The following ARPP21 variants were observed in gnomAD, a reference collection of about 807,000 sequenced individuals.
ARPP21 encodes cAMP regulated phosphoprotein 21.
A neutral mutation model predicts 113.2 loss-of-function variants in ARPP21; 69 were observed. The observed-to-expected ratio is 0.61, with a 90% CI of 0.50 to 0.74. The LOEUF (loss-of-function observed/expected upper bound fraction) is 0.74, where lower values mean the gene tolerates loss of function less well. Ranked by LOEUF, ARPP21 falls within the 30% of genes least tolerant of loss-of-function variation. The pLI, the probability that ARPP21 is intolerant of heterozygous loss-of-function variation, is 0.00. For synonymous variants in ARPP21, 368 were observed against 375.5 expected (o/e 0.98, Z 0.23); for missense variants, 1,070 against 1,037.4 (o/e 1.03, Z -0.43).
intron 9 of ARPP21, among the ~76,000 whole-genome samples, chr3:35,705,768 T>C (rs537571560): frequency 1.4e-4 from 21 of 152,290 alleles, no homozygotes; most frequent in African/African-American, 3.6e-4. Flanking sequence ...GACACCATGT[T>C]CCAAAAATTA....
chr3:35,648,079 T>G (rs1349012850), intron 1 of ARPP21, among the ~76,000 whole-genome samples: 1 of 152,194 alleles, frequency 6.6e-6, no homozygotes, highest in Non-Finnish European at 1.5e-5. Flanking sequence ...TATCCCATAA[T>G]GTTTCTGATG....
intron 19 of ARPP21, among the ~76,000 whole-genome samples, chr3:35,768,225 T>C (rs1000449625): frequency 4.6e-5 from 7 of 151,360 alleles, no homozygotes; most frequent in African/African-American, 1.7e-4. Flanking sequence ...AATTTTGCCT[T>C]TCCCCTTCCC....
rs764840269 is a variant in ARPP21 at position 35,739,527 on chromosome 3, C to T, written c.1960C>T (p.Gln654Ter). ...SGPPISQQVLQPPPSPQGFVQ... is the reference protein window; with the variant it reads ...SGPPISQQVL ...CCCTCCCATCTCCCAGCAGGTCCTC[C>T]AGCCCCCTCCCTCACCACAGGGATT... is the stretch of plus-strand genomic sequence containing the variant. Residue 654 changes from glutamine to a stop codon, truncating the protein, a stop_gained, in exon 18 of 21, where the codon CAG (glutamine) becomes TAG (stop). Coordinates refer to ENST00000684406, the MANE Select transcript of ARPP21 (RefSeq NM_001385562.1). LOFTEE classifies it high-confidence loss of function. 1 of 1,614,086 alleles carries T rather than the reference C, an allele frequency of 6.2e-7. No individual in the cohort carries two copies.
intron 19 of ARPP21, among the ~76,000 whole-genome samples, chr3:35,767,944 C>A: frequency 6.6e-6 from 1 of 152,092 alleles, no homozygotes; most frequent in East Asian, 1.9e-4. Flanking sequence ...TTCAGGTGCA[C>A]CCATGCTTTT....
At position 35,732,223 on chromosome 3, in the gene ARPP21, G is replaced by GA. The variant is rs71774773; in HGVS notation, c.1459+2696dup. ...TCTGCCAATCATGTGCCTACTAAAT[G>GA]AAAAAAAAATGAAACTTCCTTTGTC... On this transcript the variant is annotated intron_variant, in intron 15 of 20. Coordinates refer to ENST00000684406, the MANE Select transcript of ARPP21 (RefSeq NM_001385562.1). 1.9e-4 allele frequency among the ~76,000 whole-genome samples: 28 copies of GA among 149,994 alleles called. 1 individual carries two copies. In the East Asian group the frequency reaches 2.7e-3, roughly 15 times the overall value.
chr3:35,681,686 T>G, intron 2 of ARPP21, 28 bp from the exon 3 acceptor site: 1 of 1,293,358 alleles, frequency 7.7e-7, no homozygotes, highest in Non-Finnish European at 1.1e-6. Flanking sequence ...TTGCACTGAC[T>G]TTATTTTCTG....
At chr3:35,772,169 C>T (rs1281415537) in intron 19 of ARPP21, among the ~76,000 whole-genome samples, 3 of 152,186 alleles carry the variant, frequency 2.0e-5, no homozygotes, top group Middle Eastern at 3.4e-3. Flanking sequence ...TAATTTGAAG[C>T]ATTTGTGGGC....
At chr3:35,695,042 A>G (rs1188574229) in intron 9 of ARPP21, among the ~76,000 whole-genome samples, 1 of 150,760 alleles carries the variant, frequency 6.6e-6, no homozygotes, top group Non-Finnish European at 1.5e-5. Flanking sequence ...TTTTTTTCTA[A>G]GAATGAAAAA....
Position 35,683,719 on chromosome 3 carries a change from CT to C in ARPP21, c.172-6del. On this transcript the variant is annotated splice_region_variant and splice_polypyrimidine_tract_variant and intron_variant, in intron 4 of 20. Transcript: ENST00000684406. ...CCTTTCCTTCCCTTTTCTTTCCCCC[CT>C]CCTAGTCAGGAGCAGGAAAAGGTAA... The C allele has an allele frequency of 9.4e-7, 1 of 1,068,506 alleles. No individual in the cohort carries two copies. The highest frequency in any genetic ancestry group is 1.5e-6 in the Non-Finnish European group (1 of 686,524). The allele number at this position is 1,068,506 out of a possible 1,614,324, so 66.2% of individuals were successfully genotyped here.
intron 19 of ARPP21, among the ~76,000 whole-genome samples, 196 bp downstream of exon 19, chr3:35,744,161 G>A (rs2094861107): frequency 6.6e-6 from 1 of 152,210 alleles, no homozygotes; most frequent in Non-Finnish European, 1.5e-5. Flanking sequence ...TGTCAGACTA[G>A]CATCCCTGGC....
chr3:35,678,725 C>T (rs886742915), intron 1 of ARPP21: 2 of 151,918 alleles, frequency 1.3e-5, no homozygotes, highest in African/African-American at 4.8e-5. Flanking sequence ...CAGTAAAATC[C>T]TGTAAGGAAC....
intron 10 of ARPP21, among the ~76,000 whole-genome samples, chr3:35,707,851 CAAAAA>C (rs201653445): frequency 7.5e-6 from 1 of 133,816 alleles, no homozygotes; most frequent in Admixed American, 7.5e-5. Flanking sequence ...AAGTAAATGG[CAAAAA>C]AAAAAAATTC....
rs187249550 is a variant in ARPP21, at chr3:35,717,391, T to C, written c.995+34T>C. 1,541 of 1,310,170 alleles carry C rather than the reference T, an allele frequency of 1.2e-3. 2 individuals are homozygous for C. Among genetic ancestry groups the C allele is most frequent in the Non-Finnish European group, 1.6e-3 (1,463 of 904,412 alleles). The allele number at this position is 1,310,170 out of a possible 1,614,324, so 81.2% of individuals were successfully genotyped here. On this transcript the variant is annotated intron_variant, in intron 13 of 20. Coordinates refer to ENST00000684406, the MANE Select transcript of ARPP21 (RefSeq NM_001385562.1). ...GGTTTACTTTCTTAAACTGTGTTTT[T>C]TTCAAATTATGTGGTAGAATCAATG...
At chr3:35,737,987 A>C (rs2094458208) in intron 16 of ARPP21, among the ~76,000 whole-genome samples, 1 of 152,216 alleles carries the variant, frequency 6.6e-6, no homozygotes, top group African/African-American at 2.4e-5. Flanking sequence ...CAACAATATC[A>C]AACGTACATC....
At chr3:35,774,458 A>G (rs931168720) in intron 19 of ARPP21, among the ~76,000 whole-genome samples, 1 of 152,086 alleles carries the variant, frequency 6.6e-6, no homozygotes. Flanking sequence ...CTCTTTATCA[A>G]TGGATATGCA....
intron 19 of ARPP21, among the ~76,000 whole-genome samples, chr3:35,786,765 C>T (rs140814034): frequency 1.4e-3 from 219 of 152,106 alleles, no homozygotes; most frequent in African/African-American, 4.6e-3. Context: ...TGCCCGAGGA[C>T]CCCTGGTTCT....
chr3:35,732,398 C>T (rs963006803), intron 15 of ARPP21, among the ~76,000 whole-genome samples: 1 of 152,200 alleles, frequency 6.6e-6, no homozygotes, highest in Admixed American at 6.5e-5. Context: ...CCATTTCTAA[C>T]TTAGGACCTC....
At chr3:35,730,822 C>T (rs1185394672) in intron 15 of ARPP21, among the ~76,000 whole-genome samples, 5 of 152,132 alleles carry the variant, frequency 3.3e-5, no homozygotes, top group African/African-American at 1.2e-4. Flanking sequence ...AAACATATGG[C>T]ACATTCCCAA....
intron 1 of ARPP21, among the ~76,000 whole-genome samples, chr3:35,652,826 T>C (rs1165882037): frequency 6.6e-6 from 1 of 152,042 alleles, no homozygotes; most frequent in Non-Finnish European, 1.5e-5. Context: ...CTTATTTCTG[T>C]ATTGATTAGG....
Sources: gnomAD v4.1 joint callset for allele counts (sites outside exome capture counted in the v4.1 genomes callset) on GRCh38, gnomAD v4.1.1 for gene constraint, MANE v1.5 for transcripts, NCBI Gene and HGNC (gene_info 2026-07-23, HGNC 2026-07-21) for gene names.